SI: variants seen among roughly 807,000 people sequenced by gnomAD.
SI encodes the protein sucrase-isomaltase, intestinal.
A neutral mutation model predicts 253.3 loss-of-function variants in SI; 235 were observed. The ratio of observed to expected loss-of-function variants is 0.93; its 90% CI spans 0.83 to 1.03. The LOEUF (loss-of-function observed/expected upper bound fraction) is 1.03, where lower values mean the gene tolerates loss of function less well. Among genes scored for constraint, SI ranks in the 50% least tolerant of loss-of-function variants. The probability of loss-of-function intolerance (pLI) is 0.00; values close to 1 mark genes in which losing one functional copy is unlikely to be tolerated. For synonymous variants in SI, 819 were observed against 712.0 expected (o/e 1.15, Z -2.39); for missense variants, 2,442 against 2,211.1 (o/e 1.10, Z -2.09).
chr3:165,060,801 G>A (rs1264594764), intron 9 of SI, among the ~76,000 whole-genome samples: 1 of 144,016 alleles, frequency 6.9e-6, no homozygotes, highest in Non-Finnish European at 1.5e-5. Context: ...TTTGGTTTAG[G>A]CTTTTATATA....
At chr3:164,991,577 AC>A in intron 43 of SI, 100 bp from the exon 44 acceptor site, 1 of 1,251,746 alleles carries the variant, frequency 8.0e-7, no homozygotes, top group Non-Finnish European at 1.2e-6. Flanking sequence ...CAAATGATAC[AC>A]TTTTAGATTA....
At chr3:165,009,155 G>C in intron 35 of SI, 124 bp downstream of exon 35, 1 of 689,996 alleles carries the variant, frequency 1.4e-6, no homozygotes, top group South Asian at 1.7e-5. Flanking sequence ...AGTTCTGTGG[G>C]GGAAAAAAGT....
At chr3:165,055,964 A>G (rs1576913520) in intron 12 of SI, among the ~76,000 whole-genome samples, 1 of 152,102 alleles carries the variant, frequency 6.6e-6, no homozygotes, top group South Asian at 2.1e-4. Flanking sequence ...ATTTAAACCC[A>G]AACAGTCTTA....
At chr3:164,994,218 TA>T in intron 41 of SI, 38 bp downstream of exon 41, 2 of 1,577,808 alleles carry the variant, frequency 1.3e-6, no homozygotes, top group South Asian at 2.2e-5. Flanking sequence ...AAGTGAAAAG[TA>T]TCTCTCTGTG....
At chr3:165,025,358 T>C (rs1237380481) in intron 25 of SI, among the ~76,000 whole-genome samples, 1 of 151,064 alleles carries the variant, frequency 6.6e-6, no homozygotes, top group Non-Finnish European at 1.5e-5. Flanking sequence ...TTATGTTAAA[T>C]GACCAAACCT....
intron 47 of SI, among the ~76,000 whole-genome samples, chr3:164,980,531 A>G (rs1192383672): frequency 6.6e-6 from 1 of 151,966 alleles, no homozygotes; most frequent in East Asian, 1.9e-4. Flanking sequence ...CTATGTATCT[A>G]TGAAGGCTTG....
At chr3:165,054,620 G>T (rs1201426564) in intron 13 of SI, among the ~76,000 whole-genome samples, 1 of 152,082 alleles carries the variant, frequency 6.6e-6, no homozygotes, top group Admixed American at 6.6e-5. Flanking sequence ...CTCCCAAAGT[G>T]CTGGGATTAC....
intron 32 of SI, among the ~76,000 whole-genome samples, chr3:165,015,573 G>A (rs1212805703): frequency 1.3e-5 from 2 of 151,974 alleles, no homozygotes; most frequent in Non-Finnish European, 2.9e-5. Flanking sequence ...CCAATCTGAA[G>A]GCAAGTTTTT....
At position 165,058,884 on chromosome 3, in the gene SI, A is replaced by ACACG. The variant is rs1553777267; in HGVS notation, c.1398+75_1398+78dup. ...TACACACACACACACACACACACAC[A>ACACG]CACGCACATCCACAGAAACTTTATT... is the stretch of plus-strand genomic sequence containing the variant. On this transcript the variant is annotated intron_variant, in intron 12 of 47. Transcript: ENST00000264382. 3.2e-4 allele frequency: 377 copies of ACACG among 1,173,458 alleles called. No homozygotes were observed. The African/African-American group carries it at 4.8e-3, about 15-fold the overall frequency. 72.7% of individuals were successfully genotyped at this position (1,173,458 alleles called of 1,614,324 possible). A position where few individuals can be genotyped will look rare whatever the true frequency, so the allele number is the denominator to read the frequency against.
At chr3:165,072,093 C>T (rs1714613910) in intron 3 of SI, among the ~76,000 whole-genome samples, 1 of 151,960 alleles carries the variant, frequency 6.6e-6, no homozygotes, top group Admixed American at 6.6e-5. Flanking sequence ...TTTAATATAA[C>T]CAATTTTCCA....
At position 164,996,645 on chromosome 3, in the gene SI, C is replaced by A. The variant is rs747607478; in HGVS notation, c.4582G>T (p.Ala1528Ser). 2.6e-6 allele frequency: 4 copies of A among 1,562,640 alleles called. No individual in the cohort carries two copies. The highest frequency in any genetic ancestry group is 2.2e-5 in the East Asian group (1 of 44,458). Residue 1528 changes from alanine to serine, a missense_variant, in exon 40 of 48, where the codon GCA (alanine) becomes TCA (serine). Transcript: ENST00000264382. ...FSLFGMSYTG[A>S]DICGFFNNSE... ...TTGTTGAAAAAACCACAGATGTCTG[C>A]TCCAGTCTAAAATATATTGTTATAT...
rs1712533082 is a variant in SI, at chr3:165,036,425, T to C, written c.2479A>G (p.Lys827Glu). ...CCATCATCCCAGAAAAAGTCTCCTT[T>C]GGCTGTGTTGTTTTCACCTAATGCG... ...IVALGENNTA[K>E]GDFFWDDGET... Residue 827 changes from lysine (K) to glutamate (E), a missense_variant, in exon 22 of 48, where the codon AAA becomes GAA. Transcript: ENST00000264382. The C allele has an allele frequency of 6.2e-7, 1 of 1,611,626 alleles. No individual in the cohort carries two copies. Among genetic ancestry groups the C allele is most frequent in the Non-Finnish European group, 8.5e-7 (1 of 1,178,480 alleles).
At chr3:165,018,536 T>G (rs1719151993) in intron 28 of SI, among the ~76,000 whole-genome samples, 1 of 150,568 alleles carries the variant, frequency 6.6e-6, no homozygotes, top group South Asian at 2.1e-4. Flanking sequence ...GTTTATATAT[T>G]TTATATTTAT....
chr3:165,019,652 C>T lies in SI; in HGVS notation c.3373G>A (p.Asp1125Asn), dbSNP rs1268825082. ...GEVEHTAFKR[D>N]LNWNTWGMFT... The stretch of plus-strand genomic sequence containing the variant: ...ATTCCCCAAGTATTCCAGTTCAGAT[C>T]TCGCTTAAATGCTGTATGTTCCACT... Residue 1125 changes from aspartate (D) to asparagine (N), a missense_variant, in exon 28 of 48, where the codon GAT becomes AAT. By Grantham distance (23) the Asp-to-Asn change is conservative. Transcript: ENST00000264382. 2 of 1,612,518 alleles carry T rather than the reference C, an allele frequency of 1.2e-6. No individual in the cohort carries two copies. Among genetic ancestry groups the T allele is most frequent in the Non-Finnish European group, 1.7e-6 (2 of 1,179,110 alleles).
chr3:165,026,997 A>C (rs1414486161), intron 25 of SI, among the ~76,000 whole-genome samples: 2 of 151,446 alleles, frequency 1.3e-5, no homozygotes, highest in Non-Finnish European at 3.0e-5. Context: ...TGAAATTGAA[A>C]CAAAAAAATA....
At chr3:165,002,976 T>G (rs1218623386) in intron 37 of SI, among the ~76,000 whole-genome samples, 1 of 151,826 alleles carries the variant, frequency 6.6e-6, no homozygotes, top group Non-Finnish European at 1.5e-5. Flanking sequence ...CATGGAAGAT[T>G]GTGCTGATTT....
chr3:165,087,992 C>A, the SI span, among the ~76,000 whole-genome samples: 2 of 152,156 alleles, frequency 1.3e-5, no homozygotes, highest in African/African-American at 4.8e-5. Flanking sequence ...AATTACAATT[C>A]TTCATGCAAA....
intron 25 of SI, among the ~76,000 whole-genome samples, chr3:165,024,692 C>G (rs749808121): frequency 6.6e-6 from 1 of 151,258 alleles, no homozygotes; most frequent in Non-Finnish European, 1.5e-5. Context: ...ATATTTCATT[C>G]ATTATGTTAT....
intron 41 of SI, 152 bp downstream of exon 41, chr3:164,994,105 G>T: frequency 1.5e-6 from 1 of 655,754 alleles, no homozygotes; most frequent in Non-Finnish European, 2.7e-6. Context: ...GGACATATTT[G>T]TGTAAATGCT....
Sources: allele counts gnomAD v4.1 joint callset (sites outside exome capture counted in the v4.1 genomes callset), GRCh38; gene constraint gnomAD v4.1.1; transcripts MANE v1.5; gene names NCBI Gene and HGNC (gene_info 2026-07-23, HGNC 2026-07-21).